Variants in TMEM267 observed in about 807,000 individuals in gnomAD.
TMEM267 encodes transmembrane protein C5orf28.
In TMEM267, 20 loss-of-function variants were observed where a neutral mutation model predicts 19.3. The ratio of observed to expected loss-of-function variants is 1.04; its 90% CI spans 0.73 to 1.51. TMEM267 has a LOEUF of 1.51. Ranked by LOEUF, TMEM267 falls within the 40% of genes most tolerant of loss-of-function variation. The pLI is 0.00. For synonymous variants in TMEM267, 88 were observed against 90.3 expected, an observed-to-expected ratio of 0.97 and a Z score of 0.15; for missense variants, 242 against 261.9, an observed-to-expected ratio of 0.92 and a Z score of 0.52.
chr5:43,460,250 G>C (rs775860623), intron 1 of TMEM267, among the ~76,000 whole-genome samples: 3 of 152,066 alleles, frequency 2.0e-5, no homozygotes, highest in South Asian at 4.1e-4. Context: ...CCTGCTTTGC[G>C]GCCTGGATCC....
chr5:43,463,073 T>A lies in TMEM267; in HGVS notation c.-74-9030A>T, dbSNP rs1020537278. The stretch of plus-strand genomic sequence containing the variant: ...TAATAAAGAAGAAAAGAGAGAAGAA[T>A]CAAATAGATGCAATAAAAAATGATA... On this transcript the variant is annotated intron_variant, in intron 1 of 2. Transcript: ENST00000397080. Among the ~76,000 whole-genome samples, 269 of 148,682 alleles carry A rather than the reference T, an allele frequency of 1.8e-3. 1 individual carries two copies. Among genetic ancestry groups the A allele is most frequent in the African/African-American group, 6.5e-3 (262 of 40,466 alleles).
At chr5:43,469,230 G>A (rs1222370113) in intron 1 of TMEM267, among the ~76,000 whole-genome samples, 2 of 151,954 alleles carry the variant, frequency 1.3e-5, no homozygotes, top group African/African-American at 2.4e-5. Flanking sequence ...AGAAATAAAT[G>A]AAATTGAAAT....
At chr5:43,464,441 A>T (rs1743492871) in intron 1 of TMEM267, among the ~76,000 whole-genome samples, 1 of 152,230 alleles carries the variant, frequency 6.6e-6, no homozygotes, top group Non-Finnish European at 1.5e-5. Context: ...TCTTCACAGA[A>T]TTGGAAAAAA....
chr5:43,469,037 C>T (rs1018035555), intron 1 of TMEM267, among the ~76,000 whole-genome samples: 3 of 152,008 alleles, frequency 2.0e-5, no homozygotes, highest in Non-Finnish European at 4.4e-5. Flanking sequence ...ATAATGGAAA[C>T]ATAATATATC....
At chr5:43,477,840 C>G (rs1744519831) in intron 1 of TMEM267, among the ~76,000 whole-genome samples, 2 of 152,190 alleles carry the variant, frequency 1.3e-5, no homozygotes, top group African/African-American at 4.8e-5. Flanking sequence ...TGACCACACT[C>G]AAGCTGCAAG....
intron 1 of TMEM267, among the ~76,000 whole-genome samples, chr5:43,462,628 A>G (rs980391487): frequency 6.6e-6 from 1 of 152,192 alleles, no homozygotes. Context: ...CTGGAGCTGA[A>G]AAATGCAATT....
At chr5:43,456,891 C>G (rs1037527029) in intron 1 of TMEM267, among the ~76,000 whole-genome samples, 3 of 152,172 alleles carry the variant, frequency 2.0e-5, no homozygotes, top group Non-Finnish European at 2.9e-5. Context: ...CATTCCACTT[C>G]TAGGTATTTT....
chr5:43,448,893 C>A (rs4308491), intron 2 of TMEM267, among the ~76,000 whole-genome samples: 90,605 of 150,804 alleles, frequency 0.6, 29,383 homozygotes, highest in African/African-American at 0.85. Context: ...TTATATCACA[C>A]GACTCCAAAG....
At chr5:43,479,301 GGTTT>G (rs1579836240) in intron 1 of TMEM267, among the ~76,000 whole-genome samples, 1 of 151,672 alleles carries the variant, frequency 6.6e-6, no homozygotes, top group East Asian at 1.9e-4. Context: ...CTGTTTATTT[GGTTT>G]GTTTCTCAGC....
intron 1 of TMEM267, among the ~76,000 whole-genome samples, chr5:43,472,704 A>G (rs1409546139): frequency 6.6e-6 from 1 of 152,038 alleles, no homozygotes; most frequent in East Asian, 1.9e-4. Context: ...AAACACAAAT[A>G]TCACATATTC....
intron 1 of TMEM267, among the ~76,000 whole-genome samples, chr5:43,479,516 A>G (rs1579836616): frequency 6.6e-6 from 1 of 151,932 alleles, no homozygotes; most frequent in East Asian, 1.9e-4. Flanking sequence ...AAGGTATAAC[A>G]TTATAAATAT....
intron 1 of TMEM267, among the ~76,000 whole-genome samples, chr5:43,466,686 C>A (rs2112136195): frequency 6.6e-6 from 1 of 152,270 alleles, no homozygotes; most frequent in South Asian, 2.1e-4. Context: ...TTTACACAGA[C>A]AGTGTTAAGT....
At chr5:43,463,623 A>G (rs1743419131) in intron 1 of TMEM267, among the ~76,000 whole-genome samples, 2 of 152,360 alleles carry the variant, frequency 1.3e-5, no homozygotes, top group South Asian at 2.1e-4. Context: ...AGTGGGCTTC[A>G]TCCCTGGGAT....
At chr5:43,447,878 C>T (rs1193829327) in intron 2 of TMEM267, among the ~76,000 whole-genome samples, 1 of 152,076 alleles carries the variant, frequency 6.6e-6, no homozygotes, top group African/African-American at 2.4e-5. Flanking sequence ...GCACTAACTG[C>T]AGGGAAAGGA....
At chr5:43,455,412 C>A (rs538154015) in intron 1 of TMEM267, among the ~76,000 whole-genome samples, 10 of 150,850 alleles carry the variant, frequency 6.6e-5, no homozygotes, top group African/African-American at 2.0e-4. Flanking sequence ...AACACAGAGA[C>A]CCTGTCTTAA....
chr5:43,457,504 C>G (rs139127486), intron 1 of TMEM267, among the ~76,000 whole-genome samples: 1 of 152,096 alleles, frequency 6.6e-6, no homozygotes, highest in Admixed American at 6.6e-5. Flanking sequence ...GAAGGAGTCA[C>G]GTTTTACATG....
At chr5:43,462,268 C>T (rs886405113) in intron 1 of TMEM267, among the ~76,000 whole-genome samples, 2 of 152,192 alleles carry the variant, frequency 1.3e-5, no homozygotes, top group Admixed American at 6.5e-5. Context: ...TAGATTATAA[C>T]ACCAAAGTCC....
At chr5:43,457,491 G>C (rs1339458075) in intron 1 of TMEM267, among the ~76,000 whole-genome samples, 1 of 152,186 alleles carries the variant, frequency 6.6e-6, no homozygotes, top group East Asian at 1.9e-4. Context: ...GGAAGGTAAA[G>C]AGGAAGGAGT....
At chr5:43,465,808 G>A (rs1400381083) in intron 1 of TMEM267, among the ~76,000 whole-genome samples, 8 of 152,058 alleles carry the variant, frequency 5.3e-5, no homozygotes, top group Admixed American at 2.0e-4. Flanking sequence ...CTGTTGTGGG[G>A]TGGGGGAAGT....
Sources: gnomAD v4.1 joint callset for allele counts (sites outside exome capture counted in the v4.1 genomes callset) on GRCh38, gnomAD v4.1.1 for gene constraint, MANE v1.5 for transcripts, NCBI Gene and HGNC (gene_info 2026-07-23, HGNC 2026-07-21) for gene names.